Variants in SEC11C observed in about 807,000 individuals in gnomAD.
The protein encoded by SEC11C is signal peptidase complex catalytic subunit SEC11C.
In SEC11C, 10 loss-of-function variants were observed where a neutral mutation model predicts 21.9. The ratio of observed to expected loss-of-function variants is 0.46; its 90% CI spans 0.28 to 0.77. The LOEUF (loss-of-function observed/expected upper bound fraction) is 0.77. Among genes scored for constraint, SEC11C ranks in the 30% least tolerant of loss-of-function variants. The probability of loss-of-function intolerance (pLI) is 0.12; values close to 1 mark genes in which losing one functional copy is unlikely to be tolerated. For missense variants in SEC11C, 145 were observed against 244.5 expected (o/e 0.59, Z 2.71); for synonymous variants, 83 against 85.6 (o/e 0.97, Z 0.17).
chr18:59,157,361 G>A (rs2069429876), intron 4 of SEC11C: 1 of 373,848 alleles, frequency 2.7e-6, no homozygotes, highest in Non-Finnish European at 4.8e-6. Flanking sequence ...ATTGTAGCAA[G>A]TGAAGACAAC....
At chr18:59,156,656 C>T (rs2069421122) in intron 4 of SEC11C, 1 of 152,154 alleles carries the variant, frequency 6.6e-6, no homozygotes, top group Non-Finnish European at 1.5e-5. Flanking sequence ...GGAATTCTTC[C>T]CCTCTCTTGG....
chr18:59,150,450 T>A (rs1353890093), intron 2 of SEC11C, among the ~76,000 whole-genome samples: 1 of 152,204 alleles, frequency 6.6e-6, no homozygotes, highest in Non-Finnish European at 1.5e-5. Context: ...CAGGCCGCCC[T>A]CATGTGGTTG....
intron 1 of SEC11C, among the ~76,000 whole-genome samples, chr18:59,145,654 C>T (rs1203101094): frequency 6.6e-6 from 1 of 152,148 alleles, no homozygotes; most frequent in African/African-American, 2.4e-5. Flanking sequence ...TAGTGGGATG[C>T]AATCAAAGGG....
At chr18:59,141,844 A>C (rs893661964) in intron 1 of SEC11C, among the ~76,000 whole-genome samples, 1 of 152,230 alleles carries the variant, frequency 6.6e-6, no homozygotes, top group Non-Finnish European at 1.5e-5. Flanking sequence ...GAGAGGAAGA[A>C]ATACAGCTAC....
intron 1 of SEC11C, among the ~76,000 whole-genome samples, chr18:59,144,257 A>G: frequency 6.6e-6 from 1 of 152,128 alleles, no homozygotes; most frequent in East Asian, 1.9e-4. Context: ...ATAATTCTCA[A>G]CCTGCCTTTA....
chr18:59,151,342 A>G (rs761981143), intron 2 of SEC11C, among the ~76,000 whole-genome samples: 3 of 151,602 alleles, frequency 2.0e-5, no homozygotes, highest in South Asian at 2.1e-4. Context: ...TTTAACACTG[A>G]AACAATTATG....
intron 3 of SEC11C, among the ~76,000 whole-genome samples, chr18:59,154,285 G>C (rs1334444249): frequency 6.6e-6 from 1 of 152,236 alleles, no homozygotes; most frequent in Non-Finnish European, 1.5e-5. Flanking sequence ...AATTATGAGA[G>C]ACTGTCAGGA....
intron 1 of SEC11C, among the ~76,000 whole-genome samples, chr18:59,145,678 A>G (rs2069266209): frequency 1.3e-5 from 2 of 152,256 alleles, no homozygotes; most frequent in African/African-American, 4.8e-5. Flanking sequence ...TAGGCAGGGC[A>G]TAGACAACCA....
chr18:59,140,692 G>A (rs1286539358), intron 1 of SEC11C, among the ~76,000 whole-genome samples: 1 of 152,224 alleles, frequency 6.6e-6, no homozygotes, highest in African/African-American at 2.4e-5. Flanking sequence ...AGGAGGCAGT[G>A]TAGGGTCTTT....
chr18:59,143,242 A>G (rs2069230951), intron 1 of SEC11C, among the ~76,000 whole-genome samples: 2 of 151,320 alleles, frequency 1.3e-5, no homozygotes, highest in African/African-American at 4.9e-5. Context: ...TATCCCAGCT[A>G]CTCGGCAGGC....
Position 59,139,898 on chromosome 18 carries a change from C to T in SEC11C, c.-51C>T, listed in dbSNP as rs758240235. 3 of 1,369,436 alleles carry T rather than the reference C, an allele frequency of 2.2e-6. No homozygotes were observed. Among genetic ancestry groups the T allele is most frequent in the Non-Finnish European group, 1.9e-6 (2 of 1,033,626 alleles). The allele number at this position is 1,369,436 out of a possible 1,614,324, so 84.8% of individuals were successfully genotyped here. The stretch of plus-strand genomic sequence containing the variant: ...CGGGGGCCGGCAGGTGCTCCGCAGC[C>T]GTCTGTGCCACCCAGAGCCGGCGGG... On this transcript the variant is annotated 5_prime_UTR_variant, in exon 1 of 6. Coordinates refer to ENST00000587834, the MANE Select transcript of SEC11C (RefSeq NM_033280.4).
At chr18:59,150,817 C>A (rs1192960194) in intron 2 of SEC11C, among the ~76,000 whole-genome samples, 1 of 151,962 alleles carries the variant, frequency 6.6e-6, no homozygotes, top group East Asian at 1.9e-4. Flanking sequence ...AGATAAGAAA[C>A]CTGAGGCCCA....
At chr18:59,149,688 C>T (rs913514521) in intron 2 of SEC11C, 66 bp downstream of exon 2, 28 of 957,390 alleles carry the variant, frequency 2.9e-5, no homozygotes, top group South Asian at 7.5e-5. Flanking sequence ...GCCTGAGGAG[C>T]GGGGCAGCCT....
In SEC11C at chr18:59,149,467, T is replaced by G. The variant is rs368863218; in HGVS notation, c.88-46T>G. 2.2e-4 allele frequency: 282 copies of G among 1,271,508 alleles called. 1 individual carries two copies. The highest frequency in any genetic ancestry group is 3.0e-4 in the Non-Finnish European group (263 of 872,940). The allele number at this position is 1,271,508 out of a possible 1,614,324, so 78.8% of individuals were successfully genotyped here. A position where few individuals can be genotyped will look rare whatever the true frequency, so the allele number is the denominator to read the frequency against. On this transcript the variant is annotated intron_variant, in intron 1 of 5. Transcript: ENST00000587834. ...ATCTCCAGCTTCACAGGTTGGTGGA[T>G]CTTCTGCTATTGGTTTTCATCGTGG... is the stretch of plus-strand genomic sequence containing the variant.
chr18:59,148,393 A>G (rs553848734), intron 1 of SEC11C, among the ~76,000 whole-genome samples: 1 of 152,116 alleles, frequency 6.6e-6, no homozygotes, highest in South Asian at 2.1e-4. Flanking sequence ...GCACATGGGC[A>G]GGTGTTGTTT....
intron 4 of SEC11C, 46 bp downstream of exon 4, chr18:59,155,853 T>C: frequency 1.2e-6 from 2 of 1,601,830 alleles, no homozygotes; most frequent in Non-Finnish European, 1.7e-6. Context: ...GAAAAACACT[T>C]AGAAATGAAG....
chr18:59,150,619 A>G (rs77528083), intron 2 of SEC11C, among the ~76,000 whole-genome samples: 3,428 of 152,246 alleles, frequency 0.023, 221 homozygotes, highest in East Asian at 0.21. Flanking sequence ...GAGTGGGGAG[A>G]AGGGAAGCAC....
chr18:59,146,802 G>C (rs2069281162), intron 1 of SEC11C, among the ~76,000 whole-genome samples: 1 of 152,144 alleles, frequency 6.6e-6, no homozygotes, highest in Non-Finnish European at 1.5e-5. Context: ...TAGCTGATGG[G>C]AGGAGGAGGT....
At chr18:59,144,130 A>G (rs2069244266) in intron 1 of SEC11C, among the ~76,000 whole-genome samples, 1 of 152,184 alleles carries the variant, frequency 6.6e-6, no homozygotes, top group South Asian at 2.1e-4. Context: ...CTGGGATTAC[A>G]GGCATGAGCC....
Sources: gnomAD v4.1 joint callset for allele counts (sites outside exome capture counted in the v4.1 genomes callset) on GRCh38, gnomAD v4.1.1 for gene constraint, MANE v1.5 for transcripts, NCBI Gene and HGNC (gene_info 2026-07-23, HGNC 2026-07-21) for gene names.